STAB2: variants seen among roughly 807,000 people sequenced by gnomAD.
STAB2 encodes the protein stabilin-2.
A neutral mutation model predicts 338.1 loss-of-function variants in STAB2; 288 were observed. The observed-to-expected ratio is 0.85, with a 90% CI of 0.77 to 0.94. STAB2 has a LOEUF of 0.94. Among genes scored for constraint, STAB2 ranks in the 40% least tolerant of loss-of-function variants. The probability of loss-of-function intolerance (pLI) is 0.00; values close to 1 mark genes in which losing one functional copy is unlikely to be tolerated. For synonymous variants in STAB2, 1,202 were observed against 1,193.3 expected, an observed-to-expected ratio of 1.01 and a Z score of -0.15; for missense variants, 3,141 against 3,210.1, an observed-to-expected ratio of 0.98 and a Z score of 0.52.
chr12:103,695,469 G>A, intron 31 of STAB2, 81 bp from the exon 32 acceptor site: 1 of 1,275,928 alleles, frequency 7.8e-7, no homozygotes. Context: ...AGAGGTTAAT[G>A]GCATTAGACT....
rs541378922 is a variant in STAB2, at chr12:103,753,235, T to G, written c.6596T>G (p.Val2199Gly). 1.7e-5 allele frequency: 28 copies of G among 1,614,096 alleles called. No individual in the cohort carries two copies. In the African/African-American group the frequency reaches 3.6e-4, roughly 21 times the overall value. The change falls in exon 61 of 69, where the codon GTG (valine) becomes GGG (glycine). Residue 2199 changes from valine (V) to glycine (G), a missense_variant. Coordinates refer to ENST00000388887, the MANE Select transcript of STAB2 (RefSeq NM_017564.10). Reference protein sequence around the residue: ...DLHFQDTTVGVFHLRSPLGQY... With the variant: ...DLHFQDTTVGGFHLRSPLGQY... ...CCTCATCCAGATACCACTGTTGGGGTGTTCCATCTACGCTCCCCACTGGGC... is the reference window on the plus strand; with the variant it reads ...CCTCATCCAGATACCACTGTTGGGGGGTTCCATCTACGCTCCCCACTGGGC...
chr12:103,663,992 T>C (rs985962644), intron 18 of STAB2, among the ~76,000 whole-genome samples: 8 of 152,228 alleles, frequency 5.3e-5, no homozygotes, highest in Admixed American at 1.3e-4. Context: ...GTAGCTGCTC[T>C]AGCCTAGCCA....
chr12:103,706,943 G>T lies in STAB2; in HGVS notation c.4148G>T (p.Cys1383Phe). Residue 1383 changes from cysteine (C) to phenylalanine (F), a missense_variant, in exon 38 of 69, where the codon TGC becomes TTC. Coordinates refer to ENST00000388887, the MANE Select transcript of STAB2 (RefSeq NM_017564.10). ...ECGEGFSGTA[C>F]ETCTEGKYGI... is the part of the protein sequence containing the mutation. ...GGGGAGGGCTTCAGCGGCACAGCCT[G>T]CGAGACCTGCACCGAGGGCAAGTAC... is the stretch of plus-strand genomic sequence containing the variant. 6.2e-7 allele frequency: 1 copy of T among 1,614,156 alleles called. No individual in the cohort carries two copies. Among genetic ancestry groups the T allele is most frequent in the South Asian group, 1.1e-5 (1 of 91,080 alleles).
Position 103,739,470 on chromosome 12 carries a change from T to C in STAB2, c.5754+2T>C. The stretch of plus-strand genomic sequence containing the variant: ...TGCCCAAGGTGGAGTAAACCAAAGG[T>C]AATTAAGACTGCAGTGATAATGTTT... On this transcript the variant is annotated splice_donor_variant, in intron 54 of 68. Coordinates refer to ENST00000388887, the MANE Select transcript of STAB2 (RefSeq NM_017564.10). LOFTEE classifies it high-confidence loss of function. The C allele has an allele frequency of 1.3e-6, 2 of 1,586,460 alleles. No individual in the cohort carries two copies. The highest frequency in any genetic ancestry group is 3.3e-4 in the Middle Eastern group (2 of 6,000).
At chr12:103,712,022 C>T (rs745534619) in intron 40 of STAB2, among the ~76,000 whole-genome samples, 34 of 152,154 alleles carry the variant, frequency 2.2e-4, no homozygotes, top group African/African-American at 3.1e-4. Flanking sequence ...GGGAATAATC[C>T]GACTTGCCAG....
intron 3 of STAB2, among the ~76,000 whole-genome samples, chr12:103,603,295 C>T (rs1259455228): frequency 6.6e-6 from 1 of 152,184 alleles, no homozygotes; most frequent in Admixed American, 6.5e-5. Flanking sequence ...TGGTCTCGAT[C>T]TCCTGACCTC....
chr12:103,739,787 G>A (rs1428652309), intron 54 of STAB2, among the ~76,000 whole-genome samples: 1 of 152,054 alleles, frequency 6.6e-6, no homozygotes, highest in East Asian at 1.9e-4. Flanking sequence ...CATGTCCCAG[G>A]CTCTGTGCTG....
intron 3 of STAB2, among the ~76,000 whole-genome samples, chr12:103,603,432 G>T (rs966118089): frequency 6.6e-6 from 1 of 152,136 alleles, no homozygotes; most frequent in Admixed American, 6.5e-5. Context: ...TTTGCATATA[G>T]ATAATTTCAA....
Position 103,692,907 on chromosome 12 carries a change from C to T in STAB2, c.3375+18C>T, listed in dbSNP as rs1281343077. 6 of 1,600,560 alleles carry T rather than the reference C, an allele frequency of 3.7e-6. No homozygotes were observed. Among genetic ancestry groups the T allele is most frequent in the Middle Eastern group, 1.7e-4 (1 of 6,038 alleles). On this transcript the variant is annotated intron_variant, in intron 31 of 68. Transcript: ENST00000388887. ...TCAACAAGGTACAAGATTCCATTCT[C>T]CTGTGCGTGCAGCATCTCTTTTCCC...
intron 22 of STAB2, among the ~76,000 whole-genome samples, chr12:103,673,489 C>T (rs896857535): frequency 3.3e-5 from 5 of 152,156 alleles, no homozygotes; most frequent in South Asian, 2.1e-4. Flanking sequence ...ACTGGGACCA[C>T]AAGCACACAC....
intron 19 of STAB2, among the ~76,000 whole-genome samples, chr12:103,668,207 GA>G (rs1190022021): frequency 6.6e-6 from 1 of 152,194 alleles, no homozygotes; most frequent in Non-Finnish European, 1.5e-5. Flanking sequence ...ACTCCTAAGA[GA>G]AAAACTCAGA....
chr12:103,670,849 G>A (rs777031619), intron 22 of STAB2, 42 bp downstream of exon 22: 23 of 1,533,598 alleles, frequency 1.5e-5, no homozygotes, highest in Non-Finnish European at 2.1e-5. Flanking sequence ...CCTAAGCAAG[G>A]TTCCCTCTCG....
intron 24 of STAB2, 116 bp downstream of exon 24, chr12:103,676,137 C>T (rs1876340056): frequency 3.1e-6 from 2 of 637,256 alleles, no homozygotes; most frequent in Non-Finnish European, 4.9e-6. Context: ...TCTTGGCTCA[C>T]TGCAACATCC....
At position 103,758,247 on chromosome 12, in the gene STAB2, C is replaced by T. The variant is rs1593350992; in HGVS notation, c.7065C>T (p.Gly2355=). 1 of 1,614,136 alleles carries T rather than the reference C, an allele frequency of 6.2e-7. No homozygotes were observed. The highest frequency in any genetic ancestry group is 8.5e-7 in the Non-Finnish European group (1 of 1,180,044). Residue 2355 remains glycine, a synonymous_variant, in exon 64 of 69, where the codon GGC becomes GGT. Transcript: ENST00000388887. Reference sequence around the variant, plus strand: ...ACCTGACTGACCTGTCCATCCGCGGCACCCTCTTTGTGCCACAGAACAGTG... The same window carrying T: ...ACCTGACTGACCTGTCCATCCGCGGTACCCTCTTTGTGCCACAGAACAGTG... The part of the protein sequence containing the change: ...LEHLTDLSIR[G]TLFVPQNSGL...
intron 25 of STAB2, 110 bp downstream of exon 25, chr12:103,677,721 G>C: frequency 7.3e-7 from 1 of 1,374,056 alleles, no homozygotes; most frequent in Non-Finnish European, 9.7e-7. Context: ...GCTTTTTTCA[G>C]TCATTCGTGG....
rs1489389291 is a variant in STAB2 at position 103,669,572 on chromosome 12, C to G, written c.2204C>G (p.Pro735Arg). Reference sequence around the variant, plus strand: ...AAGTGCTGCAAAGGCTTCTATGGACCTGACTGCAACCAGTGTCCAGGAGGC... The same window carrying G: ...AAGTGCTGCAAAGGCTTCTATGGACGTGACTGCAACCAGTGTCCAGGAGGC... ...IPKCCKGFYG[P>R]DCNQCPGGFS... is the part of the protein sequence containing the mutation. The change falls in exon 21 of 69, where the codon CCT becomes CGT. Residue 735 changes from proline to arginine, a missense_variant. Coordinates refer to ENST00000388887, the MANE Select transcript of STAB2 (RefSeq NM_017564.10). 1 of 1,614,202 alleles carries G rather than the reference C, an allele frequency of 6.2e-7. No homozygotes were observed. The highest frequency in any genetic ancestry group is 2.2e-5 in the East Asian group (1 of 44,894).
intron 63 of STAB2, 33 bp downstream of exon 63, chr12:103,755,751 C>T: frequency 4.4e-6 from 7 of 1,608,912 alleles, no homozygotes; most frequent in Non-Finnish European, 6.0e-6. Flanking sequence ...TTGCCTCAGG[C>T]AGGGAGGGGT....
At chr12:103,680,431 T>G (rs1205082926) in intron 25 of STAB2, among the ~76,000 whole-genome samples, 1 of 152,190 alleles carries the variant, frequency 6.6e-6, no homozygotes, top group Non-Finnish European at 1.5e-5. Context: ...GAAGGCAGCA[T>G]AAAGGGTCTG....
chr12:103,749,108 C>T lies in STAB2; in HGVS notation c.6390C>T (p.Gly2130=), dbSNP rs1883347485. 1 of 1,612,000 alleles carries T rather than the reference C, an allele frequency of 6.2e-7. No homozygotes were observed. Residue 2130 remains glycine (G), a synonymous_variant, in exon 59 of 69, where the codon GGC becomes GGT. Transcript: ENST00000388887. ...SCTEIDPCAD[G]LNGGCHEHAT... ...CAGAGATAGACCCCTGTGCAGACGG[C>T]CTTAACGGAGGGTGTCACGAGCACG...
Sources: gnomAD v4.1 joint callset for allele counts (sites outside exome capture counted in the v4.1 genomes callset) on GRCh38, gnomAD v4.1.1 for gene constraint, MANE v1.5 for transcripts, NCBI Gene and HGNC (gene_info 2026-07-23, HGNC 2026-07-21) for gene names.